Variants in KAZN observed in about 807,000 individuals in gnomAD.
KAZN encodes the protein kazrin, periplakin interacting protein.
In KAZN, 40 loss-of-function variants were observed where a neutral mutation model predicts 87.4. The ratio of observed to expected loss-of-function variants is 0.46; its 90% confidence interval spans 0.36 to 0.60. The LOEUF is 0.60. Among genes scored for constraint, KAZN ranks in the 20% least tolerant of loss-of-function variants. KAZN has a pLI of 0.00. For missense variants in KAZN, 898 were observed against 1,073.9 expected, an observed-to-expected ratio of 0.84 and a Z score of 2.29; for synonymous variants, 466 against 458.3, an observed-to-expected ratio of 1.02 and a Z score of -0.22.
chr1:14,973,045 G>A (rs1292544284), intron 2 of KAZN, among the ~76,000 whole-genome samples: 2 of 151,950 alleles, frequency 1.3e-5, no homozygotes, highest in Non-Finnish European at 2.9e-5. Context: ...CATAGATGGG[G>A]TCACCCTGCC....
intron 1 of KAZN, among the ~76,000 whole-genome samples, chr1:14,793,961 A>G (rs1168695639): frequency 6.6e-6 from 1 of 152,184 alleles, no homozygotes; most frequent in Non-Finnish European, 1.5e-5. Flanking sequence ...CACCTGAGGA[A>G]ATTAAAAACC....
chr1:13,915,987 T>A (rs761593332), intron 1 of KAZN, among the ~76,000 whole-genome samples: 5 of 151,732 alleles, frequency 3.3e-5, no homozygotes, highest in Non-Finnish European at 7.4e-5. Context: ...AGGGAAGCAT[T>A]GGTGGAAGCT....
chr1:14,809,954 G>A (rs1156459685), intron 1 of KAZN, among the ~76,000 whole-genome samples: 1 of 152,176 alleles, frequency 6.6e-6, no homozygotes, highest in Non-Finnish European at 1.5e-5. Context: ...CTCAGCCTCA[G>A]AACTGTTGAC....
chr1:14,340,694 A>G (rs1230204676), intron 2 of KAZN, among the ~76,000 whole-genome samples: 2 of 152,156 alleles, frequency 1.3e-5, no homozygotes, highest in African/African-American at 2.4e-5. Context: ...GTTCTGTTCT[A>G]TGGAAGTCCC....
At chr1:14,245,323 C>T (rs1478653164) in intron 2 of KAZN, among the ~76,000 whole-genome samples, 3 of 152,026 alleles carry the variant, frequency 2.0e-5, no homozygotes, top group African/African-American at 7.2e-5. Context: ...CATACTTACA[C>T]AAAAGAGTGA....
intron 1 of KAZN, among the ~76,000 whole-genome samples, chr1:14,862,827 A>G (rs957576620): frequency 6.6e-6 from 1 of 152,146 alleles, no homozygotes; most frequent in Admixed American, 6.5e-5. Context: ...GTTATTTATC[A>G]CTGGCACAAT....
chr1:15,006,364 T>C (rs1439481593), intron 2 of KAZN, among the ~76,000 whole-genome samples: 1 of 152,160 alleles, frequency 6.6e-6, no homozygotes, highest in African/African-American at 2.4e-5. Context: ...GCAGCTACCT[T>C]GCATGCAGCA....
At chr1:14,359,819 G>T (rs1481313187) in intron 2 of KAZN, among the ~76,000 whole-genome samples, 3 of 152,152 alleles carry the variant, frequency 2.0e-5, no homozygotes, top group African/African-American at 7.2e-5. Context: ...TTAGTCTGAT[G>T]GGCTTCCCTT....
At chr1:14,920,513 C>T (rs1658390654) in intron 1 of KAZN, among the ~76,000 whole-genome samples, 1 of 151,990 alleles carries the variant, frequency 6.6e-6, no homozygotes, top group South Asian at 2.1e-4. Context: ...TTCCTGCTGC[C>T]CCACGGAGGC....
At chr1:14,814,596 G>C (rs899846956) in intron 1 of KAZN, among the ~76,000 whole-genome samples, 2 of 152,208 alleles carry the variant, frequency 1.3e-5, no homozygotes, top group African/African-American at 4.8e-5. Context: ...TGGCCTTGCA[G>C]TCAAAGATGA....
At chr1:14,182,707 C>A (rs1234447155) in intron 2 of KAZN, among the ~76,000 whole-genome samples, 1 of 152,078 alleles carries the variant, frequency 6.6e-6, no homozygotes. Context: ...AAAAAAGACT[C>A]TTTATTGGGC....
chr1:14,418,034 A>C (rs1208562869), intron 2 of KAZN, among the ~76,000 whole-genome samples: 3 of 129,006 alleles, frequency 2.3e-5, no homozygotes, highest in Non-Finnish European at 4.9e-5. Flanking sequence ...AAAAAAAAAA[A>C]AAAAAAAAAA....
intron 1 of KAZN, among the ~76,000 whole-genome samples, chr1:14,055,278 T>TGACTG (rs1642500722): frequency 6.6e-6 from 1 of 152,228 alleles, no homozygotes; most frequent in Non-Finnish European, 1.5e-5. Flanking sequence ...CTCAGAATAT[T>TGACTG]GACTGGCACA....
intron 2 of KAZN, among the ~76,000 whole-genome samples, chr1:14,588,286 C>T (rs1675979012): frequency 6.6e-6 from 1 of 152,060 alleles, no homozygotes; most frequent in African/African-American, 2.4e-5. Context: ...ATAGTTGAGA[C>T]AAATTCAAGA....
intron 2 of KAZN, among the ~76,000 whole-genome samples, chr1:14,507,127 C>T (rs1208883184): frequency 6.6e-6 from 1 of 152,174 alleles, no homozygotes; most frequent in East Asian, 1.9e-4. Flanking sequence ...AGAAAGAGAT[C>T]GATAAAGCCC....
At chr1:14,453,821 G>T (rs905934933) in intron 2 of KAZN, among the ~76,000 whole-genome samples, 1 of 151,984 alleles carries the variant, frequency 6.6e-6, no homozygotes, top group Non-Finnish European at 1.5e-5. Flanking sequence ...GGGCAACAGA[G>T]CAAGACTCTG....
intron 1 of KAZN, among the ~76,000 whole-genome samples, chr1:14,801,268 A>G (rs1298823928): frequency 6.6e-6 from 1 of 152,092 alleles, no homozygotes; most frequent in Non-Finnish European, 1.5e-5. Context: ...CCTCGGGGAA[A>G]TGTGCGTCTC....
At chr1:14,411,730 A>C (rs1274043543) in intron 2 of KAZN, among the ~76,000 whole-genome samples, 1 of 152,244 alleles carries the variant, frequency 6.6e-6, no homozygotes, top group African/African-American at 2.4e-5. Flanking sequence ...TAAGTAATGA[A>C]ATGAAAAAAA....
chr1:14,204,373 A>G (rs540635764), intron 2 of KAZN, among the ~76,000 whole-genome samples: 6 of 152,346 alleles, frequency 3.9e-5, no homozygotes, highest in Admixed American at 3.9e-4. Context: ...TGGAGCACAG[A>G]CAAGGTAGTG....
Sources: gnomAD v4.1 joint callset for allele counts (sites outside exome capture counted in the v4.1 genomes callset) on GRCh38, gnomAD v4.1.1 for gene constraint, MANE v1.5 for transcripts, NCBI Gene and HGNC (gene_info 2026-07-23, HGNC 2026-07-21) for gene names.